The following ALOX12 variants were observed in gnomAD, a reference collection of about 807,000 sequenced individuals.
ALOX12 encodes polyunsaturated fatty acid lipoxygenase ALOX12.
ALOX12 carries 62 observed loss-of-function variants against 85.5 expected under a neutral mutation model. The observed-to-expected ratio is 0.73, with a 90% CI of 0.59 to 0.90. The LOEUF (loss-of-function observed/expected upper bound fraction) is 0.90, where lower values mean the gene tolerates loss of function less well. Ranked by LOEUF, ALOX12 falls within the 40% of genes least tolerant of loss-of-function variation. ALOX12 has a pLI of 0.00. For synonymous variants in ALOX12, 299 were observed against 332.7 expected (o/e 0.90, Z 1.10); for missense variants, 751 against 856.5 (o/e 0.88, Z 1.54).
intron 9 of ALOX12, 30 bp from the exon 10 acceptor site, chr17:7,005,828 C>T (rs1248764181): frequency 1.3e-6 from 2 of 1,597,714 alleles, no homozygotes; most frequent in South Asian, 2.2e-5. Flanking sequence ...CCCTGTTTCC[C>T]CCTCTAAGAC....
Position 6,997,041 on chromosome 17 carries a change from G to A in ALOX12, c.337+14G>A. ...CCGAGGGCACCGGTGAGCAGGCGGCGTCGGGGAAGGAGGCACAAGGTCTCG... is the reference window on the plus strand; with the variant it reads ...CCGAGGGCACCGGTGAGCAGGCGGCATCGGGGAAGGAGGCACAAGGTCTCG... On this transcript the variant is annotated intron_variant, in intron 2 of 13. Transcript: ENST00000251535. 5 of 1,527,848 alleles carry A rather than the reference G, an allele frequency of 3.3e-6. No homozygotes were observed. In the South Asian group the frequency reaches 6.0e-5, roughly 18 times the overall value. 94.6% of individuals were successfully genotyped at this position (1,527,848 alleles called of 1,614,324 possible). A position where few individuals can be genotyped will look rare whatever the true frequency, so the allele number is the denominator to read the frequency against.
chr17:7,007,390 A>C (rs1300255385), intron 11 of ALOX12, among the ~76,000 whole-genome samples: 1 of 152,160 alleles, frequency 6.6e-6, no homozygotes, highest in Non-Finnish European at 1.5e-5. Context: ...TAGGCTGTGA[A>C]TACCATCCTC....
intron 9 of ALOX12, among the ~76,000 whole-genome samples, chr17:7,005,625 C>T (rs577783457): frequency 7.2e-5 from 11 of 151,740 alleles, no homozygotes; most frequent in Non-Finnish European, 1.3e-4. Flanking sequence ...GGATTACAGG[C>T]GCCCGCCACC....
chr17:7,003,355 G>A (rs1360743839), intron 8 of ALOX12, among the ~76,000 whole-genome samples: 1 of 152,134 alleles, frequency 6.6e-6, no homozygotes, highest in Non-Finnish European at 1.5e-5. Context: ...ATGTTCCATC[G>A]TGAGGTTATT....
At chr17:7,005,756 T>C (rs1909011480) in intron 9 of ALOX12, 102 bp from the exon 10 acceptor site, 1 of 1,304,786 alleles carries the variant, frequency 7.7e-7, no homozygotes, top group South Asian at 1.3e-5. Context: ...TGTATACCCA[T>C]GTCTTAATAT....
chr17:6,996,595 C>T (rs1908450263), intron 1 of ALOX12, among the ~76,000 whole-genome samples: 1 of 152,188 alleles, frequency 6.6e-6, no homozygotes, highest in African/African-American at 2.4e-5. Flanking sequence ...TTAATGGGAC[C>T]CACGTGGGCG....
In ALOX12 at chr17:7,000,675, C is replaced by G. The variant is rs1275314405; in HGVS notation, c.951+196C>G. ...ATTACTTTTTCAAGAGTCAAAATGG[C>G]CTCCTGGAGTTCTCATCCTGTATCC... On this transcript the variant is annotated intron_variant, in intron 7 of 13. Coordinates refer to ENST00000251535, the MANE Select transcript of ALOX12 (RefSeq NM_000697.3). The surrounding 1 kb of genome is among the most constrained non-coding windows in gnomAD (Gnocchi z 4.6). Among the ~76,000 whole-genome samples the G allele has an allele frequency of 6.6e-6, 1 of 152,170 alleles. No homozygotes were observed. Among genetic ancestry groups the G allele is most frequent in the Non-Finnish European group, 1.5e-5 (1 of 68,028 alleles).
chr17:7,009,495 A>T, intron 11 of ALOX12: 1 of 444,862 alleles, frequency 2.2e-6, no homozygotes, highest in Non-Finnish European at 4.1e-6. Context: ...ATTTTGATAC[A>T]TCATCTCATT....
At chr17:7,007,957 C>A (rs1909171893) in intron 11 of ALOX12, among the ~76,000 whole-genome samples, 1 of 152,202 alleles carries the variant, frequency 6.6e-6, no homozygotes, top group African/African-American at 2.4e-5. Flanking sequence ...CCTCACAGTT[C>A]TGGAGGCTGA....
At chr17:7,009,062 G>GTTT (rs1177619889) in intron 11 of ALOX12, among the ~76,000 whole-genome samples, 4 of 134,622 alleles carry the variant, frequency 3.0e-5, no homozygotes, top group Non-Finnish European at 3.2e-5. Context: ...CCCTCAATTG[G>GTTT]TTTTTTTTTT....
Position 7,010,141 on chromosome 17 carries a change from T to G in ALOX12, c.1812+15T>G. 2 of 1,605,182 alleles carry G rather than the reference T, an allele frequency of 1.2e-6. No homozygotes were observed. Among genetic ancestry groups the G allele is most frequent in the Non-Finnish European group, 1.7e-6 (2 of 1,174,228 alleles). ...AGCCAGACATGGTGAGAGGGGACTC[T>G]CGGGAGAGGGAAATGACAGTTGGAA... On this transcript the variant is annotated intron_variant, in intron 13 of 13. Transcript: ENST00000251535.
chr17:7,009,117 T>C (rs1909248923), intron 11 of ALOX12, among the ~76,000 whole-genome samples: 1 of 149,596 alleles, frequency 6.7e-6, no homozygotes, highest in Admixed American at 6.7e-5. Context: ...TGGAGTGCAG[T>C]GGCGGGATCT....
intron 1 of ALOX12, 129 bp from the exon 2 acceptor site, chr17:6,996,697 G>T: frequency 8.5e-7 from 1 of 1,172,020 alleles, no homozygotes; most frequent in Non-Finnish European, 1.2e-6. Flanking sequence ...TTGTGCGGGG[G>T]CGGGAACGAG....
chr17:6,999,430 G>A lies in ALOX12; in HGVS notation c.771G>A (p.Met257Ile). The A allele has an allele frequency of 1.2e-6, 2 of 1,614,174 alleles. No individual in the cohort carries two copies. The highest frequency in any genetic ancestry group is 1.7e-6 in the Non-Finnish European group (2 of 1,180,000). Reference protein sequence around the residue: ...LPSRLVLPSGMEELQAQLEKE... With the variant: ...LPSRLVLPSGIEELQAQLEKE... ...CCAGGCTAGTGCTGCCCTCGGGGATGGAAGAGCTTCAGGCTCAACTGGAGA... is the reference window on the plus strand; with the variant it reads ...CCAGGCTAGTGCTGCCCTCGGGGATAGAAGAGCTTCAGGCTCAACTGGAGA... Residue 257 changes from methionine to isoleucine, a missense_variant, in exon 6 of 14, where the codon ATG becomes ATA. Physicochemically the swap from Met to Ile is conservative, Grantham distance 10 (BLOSUM62 1). Transcript: ENST00000251535.
Position 7,010,667 on chromosome 17 carries a change from G to A in ALOX12, c.*244G>A. 1 of 410,620 alleles carries A rather than the reference G, an allele frequency of 2.4e-6. No individual in the cohort carries two copies. The highest frequency in any genetic ancestry group is 2.0e-5 in the African/African-American group (1 of 49,636). 25.4% of individuals were successfully genotyped at this position (410,620 alleles called of 1,614,324 possible). A position where few individuals can be genotyped will look rare whatever the true frequency, so the allele number is the denominator to read the frequency against. ...TCAACTACTCAGCTCTCCTGCTGCA[G>A]CATGAAGGCAGCCACAGACAACATG... On this transcript the variant is annotated 3_prime_UTR_variant, in exon 14 of 14. Coordinates refer to ENST00000251535, the MANE Select transcript of ALOX12 (RefSeq NM_000697.3).
chr17:7,007,429 A>C (rs978419142), intron 11 of ALOX12, among the ~76,000 whole-genome samples: 2 of 152,114 alleles, frequency 1.3e-5, no homozygotes, highest in African/African-American at 4.8e-5. Flanking sequence ...ACAGACATTT[A>C]CTGGGGAGCC....
rs780225081 is a variant in ALOX12, at chr17:6,999,391, G to A, written c.732G>A (p.Ser244=). 1.3e-5 allele frequency: 21 copies of A among 1,614,172 alleles called. No homozygotes were observed. The South Asian group carries it at 1.9e-4, about 14-fold the overall frequency. Residue 244 remains serine (S), a synonymous_variant, in exon 6 of 14, where the codon TCG becomes TCA. Transcript: ENST00000251535. ...CCAACCCCATGCTGTTGAGACGCTC[G>A]ACCTCTCTGCCCTCCAGGCTAGTGC... ...NGANPMLLRR[S]TSLPSRLVLP...
intron 9 of ALOX12, 129 bp downstream of exon 9, chr17:7,005,472 GTC>G: frequency 1.0e-4 from 33 of 322,398 alleles, no homozygotes; most frequent in South Asian, 1.8e-4. Flanking sequence ...TTATACCCAT[GTC>G]TTTTTTTTTT....
At position 7,010,565 on chromosome 17, in the gene ALOX12, T is replaced by A; in HGVS notation, c.*142T>A. The stretch of plus-strand genomic sequence containing the variant: ...TAAACCCCCTACATTAGTATCCCAC[T>A]AGCCCAGGGGAGCAGTAAACTTTCT... On this transcript the variant is annotated 3_prime_UTR_variant, in exon 14 of 14. Coordinates refer to ENST00000251535, the MANE Select transcript of ALOX12 (RefSeq NM_000697.3). 9.8e-7 allele frequency: 1 copy of A among 1,022,828 alleles called. No homozygotes were observed. Among genetic ancestry groups the A allele is most frequent in the Non-Finnish European group, 1.4e-6 (1 of 726,422 alleles). 63.4% of individuals were successfully genotyped at this position (1,022,828 alleles called of 1,614,324 possible).
Sources: gnomAD v4.1 joint callset for allele counts (sites outside exome capture counted in the v4.1 genomes callset) on GRCh38, gnomAD v4.1.1 for gene constraint, Gnocchi (gnomAD v3.1) non-coding constraint, MANE v1.5 for transcripts, NCBI Gene and HGNC (gene_info 2026-07-23, HGNC 2026-07-21) for gene names.